CNTN5: variants seen among roughly 807,000 people sequenced by gnomAD.
CNTN5 encodes the protein contactin-5.
Under a neutral mutation model 129.1 loss-of-function variants are expected in CNTN5, and 77 were observed. The ratio of observed to expected loss-of-function variants is 0.60; its 90% confidence interval spans 0.50 to 0.72. The LOEUF (loss-of-function observed/expected upper bound fraction) is 0.72, where lower values mean the gene tolerates loss of function less well. Among genes scored for constraint, CNTN5 ranks in the 30% least tolerant of loss-of-function variants. The pLI is 0.00. For missense variants in CNTN5, 1,478 were observed against 1,328.8 expected (o/e 1.11, Z -1.75); for synonymous variants, 509 against 465.6 (o/e 1.09, Z -1.20).
intron 1 of CNTN5, among the ~76,000 whole-genome samples, chr11:99,205,123 T>C (rs988793182): frequency 1.3e-5 from 2 of 151,336 alleles, no homozygotes; most frequent in Admixed American, 1.3e-4. Flanking sequence ...CTTTGCTTCT[T>C]TAGAATTGAT....
chr11:99,404,749 G>T (rs1394011182), intron 2 of CNTN5, among the ~76,000 whole-genome samples: 4 of 151,830 alleles, frequency 2.6e-5, no homozygotes, highest in African/African-American at 4.8e-5. Context: ...TTTTTTATTG[G>T]TCACCACAGT....
chr11:100,098,251 T>C (rs1416539482), intron 13 of CNTN5, among the ~76,000 whole-genome samples: 3 of 152,058 alleles, frequency 2.0e-5, no homozygotes, highest in African/African-American at 7.2e-5. Flanking sequence ...CATCAGACTG[T>C]AAAGCAAATT....
At chr11:99,996,065 G>A (rs919277040) in intron 8 of CNTN5, among the ~76,000 whole-genome samples, 4 of 152,120 alleles carry the variant, frequency 2.6e-5, no homozygotes, top group African/African-American at 4.8e-5. Context: ...TACTTTAACC[G>A]TGTCCTTTTT....
At chr11:99,701,774 TCTGA>T (rs1421142320) in intron 3 of CNTN5, among the ~76,000 whole-genome samples, 2 of 151,150 alleles carry the variant, frequency 1.3e-5, no homozygotes, top group African/African-American at 4.8e-5. Flanking sequence ...AGAATTGTTC[TCTGA>T]CTATCACAAA....
intron 18 of CNTN5, among the ~76,000 whole-genome samples, chr11:100,282,550 T>C (rs1165686778): frequency 6.6e-6 from 1 of 152,200 alleles, no homozygotes; most frequent in Non-Finnish European, 1.5e-5. Context: ...AGTCCAGCAG[T>C]CGATCTCACC....
intron 3 of CNTN5, among the ~76,000 whole-genome samples, chr11:99,569,295 T>A (rs1341768190): frequency 6.7e-6 from 1 of 148,496 alleles, no homozygotes; most frequent in Non-Finnish European, 1.5e-5. Flanking sequence ...AACTGTTTTT[T>A]ATTTTTATTA....
At chr11:100,272,103 G>C (rs909595394) in intron 18 of CNTN5, among the ~76,000 whole-genome samples, 1 of 152,132 alleles carries the variant, frequency 6.6e-6, no homozygotes, top group Non-Finnish European at 1.5e-5. Context: ...GTATAGGGAG[G>C]AAGAAATAAC....
Position 99,988,232 on chromosome 11 carries a change from A to T in CNTN5, c.878-13802A>T, listed in dbSNP as rs1371862299. ...TGCTGGCATTCTCCACAAGAAGACTACAGTGAGAAAACAATCTGTGCAGAT... is the reference window on the plus strand; with the variant it reads ...TGCTGGCATTCTCCACAAGAAGACTTCAGTGAGAAAACAATCTGTGCAGAT... On this transcript the variant is annotated intron_variant, in intron 8 of 24. Transcript: ENST00000524871. Among the ~76,000 whole-genome samples the T allele has an allele frequency of 5.5e-4, 83 of 152,268 alleles. 1 individual carries two copies. Among genetic ancestry groups the T allele is most frequent in the Non-Finnish European group, 2.9e-5 (2 of 68,038 alleles).
intron 1 of CNTN5, among the ~76,000 whole-genome samples, chr11:99,132,909 A>C (rs961984486): frequency 6.6e-6 from 1 of 152,180 alleles, no homozygotes; most frequent in African/African-American, 2.4e-5. Flanking sequence ...AAACTATTTA[A>C]AAATTTTTAT....
chr11:100,060,765 G>T (rs748677857), intron 9 of CNTN5, among the ~76,000 whole-genome samples: 1 of 151,032 alleles, frequency 6.6e-6, no homozygotes, highest in Non-Finnish European at 1.5e-5. Flanking sequence ...TCAGCCTCCA[G>T]AATAGCTGGG....
intron 1 of CNTN5, among the ~76,000 whole-genome samples, chr11:99,034,747 G>A (rs969393704): frequency 9.2e-5 from 14 of 151,932 alleles, no homozygotes; most frequent in Non-Finnish European, 2.1e-4. Flanking sequence ...TTTTTTGAAG[G>A]GTTTTTTGCA....
intron 7 of CNTN5, among the ~76,000 whole-genome samples, chr11:99,944,698 A>T (rs563184100): frequency 3.5e-4 from 53 of 152,226 alleles, no homozygotes; most frequent in Non-Finnish European, 7.2e-4. Context: ...CAAAAATCGC[A>T]AGCATTCTTA....
intron 6 of CNTN5, among the ~76,000 whole-genome samples, chr11:99,877,968 C>T (rs536655557): frequency 6.6e-6 from 1 of 152,222 alleles, no homozygotes; most frequent in South Asian, 2.1e-4. Context: ...TGGTAATGAA[C>T]TTCATATTAA....
At chr11:99,397,376 C>T (rs574327941) in intron 2 of CNTN5, among the ~76,000 whole-genome samples, 1 of 151,726 alleles carries the variant, frequency 6.6e-6, no homozygotes, top group Non-Finnish European at 1.5e-5. Flanking sequence ...TTCTCCCATT[C>T]TGTAGTATAC....
intron 21 of CNTN5, among the ~76,000 whole-genome samples, chr11:100,322,464 C>T (rs940026150): frequency 5.3e-5 from 8 of 152,118 alleles, no homozygotes; most frequent in African/African-American, 1.7e-4. Flanking sequence ...CCTCATGATC[C>T]GGCCGTCTTG....
At chr11:100,227,739 G>A (rs1949409078) in intron 16 of CNTN5, among the ~76,000 whole-genome samples, 1 of 152,120 alleles carries the variant, frequency 6.6e-6, no homozygotes, top group South Asian at 2.1e-4. Context: ...GGACATCTGT[G>A]CACCATTTTA....
At chr11:99,587,101 T>C (rs1340525619) in intron 3 of CNTN5, among the ~76,000 whole-genome samples, 1 of 151,842 alleles carries the variant, frequency 6.6e-6, no homozygotes, top group East Asian at 2.0e-4. Flanking sequence ...GAAAACCAGG[T>C]CATATTGCAA....
At chr11:99,954,823 C>A (rs1950760642) in intron 7 of CNTN5, among the ~76,000 whole-genome samples, 1 of 152,104 alleles carries the variant, frequency 6.6e-6, no homozygotes, top group Admixed American at 6.6e-5. Context: ...TTTTATACTT[C>A]TTGGAATTAT....
At chr11:99,433,522 A>T (rs1457772314) in intron 2 of CNTN5, among the ~76,000 whole-genome samples, 1 of 152,068 alleles carries the variant, frequency 6.6e-6, no homozygotes, top group Non-Finnish European at 1.5e-5. Context: ...GCCTAGTATT[A>T]AAGATATTTA....
Sources: gnomAD v4.1 joint callset for allele counts (sites outside exome capture counted in the v4.1 genomes callset) on GRCh38, gnomAD v4.1.1 for gene constraint, MANE v1.5 for transcripts, NCBI Gene and HGNC (gene_info 2026-07-23, HGNC 2026-07-21) for gene names.